Variants in ADAR observed in about 807,000 individuals in gnomAD.
The protein encoded by ADAR is double-stranded RNA-specific adenosine deaminase.
ADAR carries 41 observed loss-of-function variants against 113.2 expected under a neutral mutation model. The ratio of observed to expected loss-of-function variants is 0.36; its 90% CI spans 0.28 to 0.47. ADAR has a LOEUF of 0.47. Ranked by LOEUF, ADAR falls within the 20% of genes least tolerant of loss-of-function variation. The pLI, the probability that ADAR is intolerant of heterozygous loss-of-function variation, is 1.00. For missense variants in ADAR, 1,242 were observed against 1,540.9 expected, an observed-to-expected ratio of 0.81 and a Z score of 3.25; for synonymous variants, 605 against 572.6, an observed-to-expected ratio of 1.06 and a Z score of -0.81.
chr1:154,590,142 C>CA, intron 7 of ADAR, 42 bp downstream of exon 7: 1 of 809,412 alleles, frequency 1.2e-6, no homozygotes, highest in Middle Eastern at 2.6e-4. Context: ...GTTAGGAGGA[C>CA]CCCCCCGCCC....
At chr1:154,607,526 G>C (rs187752200) in intron 1 of ADAR, among the ~76,000 whole-genome samples, 12 of 123,786 alleles carry the variant, frequency 9.7e-5, no homozygotes, top group African/African-American at 2.9e-4. Flanking sequence ...GGGCTAAAGC[G>C]GGGGTAGGGG....
intron 6 of ADAR, 117 bp from the exon 7 acceptor site, chr1:154,590,526 G>A: frequency 1.0e-6 from 1 of 973,992 alleles, no homozygotes; most frequent in Non-Finnish European, 1.6e-6. Flanking sequence ...CCGTCAAACA[G>A]AAGCTGTTTC....
chr1:154,591,222 C>T (rs780746659), intron 6 of ADAR, among the ~76,000 whole-genome samples: 6 of 151,392 alleles, frequency 4.0e-5, no homozygotes, highest in South Asian at 4.2e-4. Context: ...GAAGGCTTAA[C>T]GAAATGCTAG....
At chr1:154,604,553 G>C (rs1170709790) in intron 1 of ADAR, among the ~76,000 whole-genome samples, 1 of 152,126 alleles carries the variant, frequency 6.6e-6, no homozygotes, top group East Asian at 1.9e-4. Context: ...GCTGTGTGGT[G>C]GTCAATTGTG....
chr1:154,602,411 T>C lies in ADAR; in HGVS notation c.231A>G (p.Val77=), dbSNP rs199877626. The part of the protein sequence containing the change: ...SLPGLRPRFP[V]LLASSTRGRQ... ...TGCCTCTGGTACTGGAGGCAAGTAG[T>C]ACTGGAAACCTTGGCCGGAGTCCTG... Residue 77 remains valine, a synonymous_variant, in exon 2 of 15, where the codon GTA becomes GTG. Coordinates refer to ENST00000368474, the MANE Select transcript of ADAR (RefSeq NM_001111.5). The C allele has an allele frequency of 1.2e-6, 2 of 1,607,200 alleles. No individual in the cohort carries two copies. The highest frequency in any genetic ancestry group is 2.2e-5 in the East Asian group (1 of 44,834).
intron 1 of ADAR, among the ~76,000 whole-genome samples, chr1:154,627,648 GC>G (rs1698983479): frequency 6.6e-6 from 1 of 152,212 alleles, no homozygotes; most frequent in African/African-American, 2.4e-5. Context: ...AAGTACACCG[GC>G]CCGGGCGTCC....
intron 6 of ADAR, among the ~76,000 whole-genome samples, chr1:154,592,664 G>A (rs1381604139): frequency 6.6e-6 from 1 of 152,112 alleles, no homozygotes. Flanking sequence ...GAGCCACTGG[G>A]TAGACAGTGG....
chr1:154,625,195 C>T (rs1038590642), intron 1 of ADAR, among the ~76,000 whole-genome samples: 10 of 152,164 alleles, frequency 6.6e-5, no homozygotes, highest in Non-Finnish European at 1.2e-4. Context: ...TATCATTAGA[C>T]AATTTGAGAT....
At chr1:154,594,126 C>T (rs983497578) in intron 6 of ADAR, among the ~76,000 whole-genome samples, 1 of 152,206 alleles carries the variant, frequency 6.6e-6, no homozygotes, top group South Asian at 2.1e-4. Flanking sequence ...AAATGATCCA[C>T]CCACCTCGGC....
chr1:154,606,837 G>GCCTTTA (rs1176914185), intron 1 of ADAR, among the ~76,000 whole-genome samples: 2 of 151,528 alleles, frequency 1.3e-5, no homozygotes, highest in Admixed American at 6.6e-5. Context: ...TACCCCCTTT[G>GCCTTTA]CCTTTACCAC....
Position 154,585,303 on chromosome 1 carries a change from C to T in ADAR, c.3357G>A (p.Gly1119=), listed in dbSNP as rs1557863679. ...VSIYDSKRQS[G]KTKETSVNWC... ...AGTTGACGCTTGTCTCCTTAGTCTT[C>T]CCGGATTGCCTTTTGGAATCATATA... Residue 1119 remains glycine, a synonymous_variant, in exon 14 of 15, where the codon GGG becomes GGA. Transcript: ENST00000368474. 1.2e-6 allele frequency: 2 copies of T among 1,614,182 alleles called. No individual in the cohort carries two copies. The highest frequency in any genetic ancestry group is 8.5e-7 in the Non-Finnish European group (1 of 1,180,032).
In ADAR at chr1:154,602,099, C is replaced by T. The variant is rs748924461; in HGVS notation, c.543G>A (p.Lys181=). Reference sequence around the variant, plus strand: ...CTGCCTCTTTCTGTAGCTTGCCCTTCTTTGCCAGGGAGTATAAAACTCGAT... The same window carrying T: ...CTGCCTCTTTCTGTAGCTTGCCCTTTTTTGCCAGGGAGTATAAAACTCGAT... ...EINRVLYSLA[K]KGKLQKEAGT... The change falls in exon 2 of 15, where the codon AAG becomes AAA. Residue 181 remains lysine, a synonymous_variant. Transcript: ENST00000368474. 1 of 1,614,116 alleles carries T rather than the reference C, an allele frequency of 6.2e-7. No homozygotes were observed. The highest frequency in any genetic ancestry group is 8.5e-7 in the Non-Finnish European group (1 of 1,180,052).
chr1:154,599,670 C>T (rs1697732219), intron 2 of ADAR, among the ~76,000 whole-genome samples: 1 of 152,274 alleles, frequency 6.6e-6, no homozygotes, highest in South Asian at 2.1e-4. Flanking sequence ...GGCTCTTTCC[C>T]TGGCTGCAGC....
rs753084394 is a variant in ADAR, at chr1:154,586,213, A to G, written c.3170T>C (p.Leu1057Pro). ...GACAGATTTGAGATAAATGGGCTGC[A>G]GGAAGTGGGTCAACAGTGCCCCTTG... ...GLQGALLTHF[L>P]QPIYLKSVTL... The change falls in exon 12 of 15, where the codon CTG becomes CCG. Residue 1057 changes from leucine to proline, a missense_variant. Leu to Pro is a moderately conservative substitution (Grantham distance 98, BLOSUM62 -3). This residue lies in a region of ADAR where 780 missense variants were observed against 1,057.9 expected (regional missense o/e 0.74). Coordinates refer to ENST00000368474, the MANE Select transcript of ADAR (RefSeq NM_001111.5). 1 of 1,614,116 alleles carries G rather than the reference A, an allele frequency of 6.2e-7. No homozygotes were observed. The highest frequency in any genetic ancestry group is 1.3e-5 in the African/African-American group (1 of 74,938).
At chr1:154,587,599 G>A (rs1696850625) in intron 11 of ADAR, among the ~76,000 whole-genome samples, 1 of 152,162 alleles carries the variant, frequency 6.6e-6, no homozygotes. Context: ...GACTGCTGAC[G>A]TGGCCTGAAC....
At position 154,597,890 on chromosome 1, in the gene ADAR, G is replaced by A. The variant is rs1697607558; in HGVS notation, c.1872C>T (p.His624=). 1.9e-6 allele frequency: 3 copies of A among 1,614,172 alleles called. No individual in the cohort carries two copies. Among genetic ancestry groups the A allele is most frequent in the Non-Finnish European group, 2.5e-6 (3 of 1,180,038 alleles). Residue 624 remains histidine (H), a synonymous_variant, in exon 4 of 15, where the codon CAC becomes CAT. Transcript: ENST00000368474. ...SPVTTLLECM[H]KLGNSCEFRL... is the part of the protein sequence containing the mutation. ...GGAATTCGCAGGAGTTCCCCAATTT[G>A]TGCATACACTCAAGCAGTGTGGTGA...
In ADAR at chr1:154,585,792, C is replaced by T. The variant is rs1279785321; in HGVS notation, c.3276G>A (p.Glu1092=). The T allele has an allele frequency of 6.2e-7, 1 of 1,613,892 alleles. No homozygotes were observed. The highest frequency in any genetic ancestry group is 8.5e-7 in the Non-Finnish European group (1 of 1,179,904). ...CRVTRDGSAF[E]DGLRHPFIVN... ...CAATAAAGGGATGTCGTAGTCCATCCTCAAATGCACTCCCATCTCTTGTCA... is the reference window on the plus strand; with the variant it reads ...CAATAAAGGGATGTCGTAGTCCATCTTCAAATGCACTCCCATCTCTTGTCA... Residue 1092 remains glutamate, a synonymous_variant, in exon 13 of 15, where the codon GAG becomes GAA. Transcript: ENST00000368474.
rs556625861 is a variant in ADAR at position 154,597,961 on chromosome 1, T to C, written c.1801A>G (p.Thr601Ala). ...AAGGATGTGGCTGAAGGGGTGGGGG[T>C]CTGGGACTCTGCAGTCTAGAGAAAA... is the stretch of plus-strand genomic sequence containing the variant. ...KESEKTAESQ[T>A]PTPSATSFFS... The change falls in exon 4 of 15, where the codon ACC becomes GCC. Residue 601 changes from threonine to alanine, a missense_variant. Around this residue, in one of 2 missense-constraint regions of ADAR, gnomAD observed 780 missense variants for 1,057.9 expected, o/e 0.74. Coordinates refer to ENST00000368474, the MANE Select transcript of ADAR (RefSeq NM_001111.5). The C allele has an allele frequency of 2.5e-5, 40 of 1,612,946 alleles. 1 individual carries two copies. In the South Asian group the frequency reaches 3.8e-4, roughly 16 times the overall value.
Position 154,601,118 on chromosome 1 carries a change from C to T in ADAR, c.1524G>A (p.Leu508=), listed in dbSNP as rs765013076. ...GACTAGCGAACTGGGCATATTCTAA[C>T]AGCCCGCTGATGGGGTTCTTCAGCT... The part of the protein sequence containing the change: ...ECQLKNPISG[L]LEYAQFASQT... Residue 508 remains leucine (L), a synonymous_variant, in exon 2 of 15, where the codon CTG becomes CTA. Coordinates refer to ENST00000368474, the MANE Select transcript of ADAR (RefSeq NM_001111.5). The surrounding 1 kb of genome is among the most constrained non-coding windows in gnomAD (Gnocchi z 4.7). 8 of 1,614,100 alleles carry T rather than the reference C, an allele frequency of 5.0e-6. No individual in the cohort carries two copies. Among genetic ancestry groups the T allele is most frequent in the Non-Finnish European group, 6.8e-6 (8 of 1,180,054 alleles).
Sources: gnomAD v4.1 joint callset for allele counts (sites outside exome capture counted in the v4.1 genomes callset) on GRCh38, gnomAD v4.1.1 for gene constraint, gnomAD v4.1.1 regional missense constraint, Gnocchi (gnomAD v3.1) non-coding constraint, MANE v1.5 for transcripts, NCBI Gene and HGNC (gene_info 2026-07-23, HGNC 2026-07-21) for gene names.